Variants in RPS21 observed in about 807,000 individuals in gnomAD.
RPS21 encodes small ribosomal subunit protein eS21.
A neutral mutation model predicts 14.5 loss-of-function variants in RPS21; 6 were observed. That is an observed-to-expected ratio of 0.41 (90% CI 0.23 to 0.82). RPS21 has a LOEUF of 0.82. Ranked by LOEUF, RPS21 falls within the 40% of genes least tolerant of loss-of-function variation. The pLI, the probability that RPS21 is intolerant of heterozygous loss-of-function variation, is 0.31. For synonymous variants in RPS21, 61 were observed against 42.6 expected (o/e 1.43, Z -1.69); for missense variants, 85 against 115.0 (o/e 0.74, Z 1.19).
chr20:62,387,726 G>T, intron 3 of RPS21, 52 bp downstream of exon 3: 1 of 1,614,084 alleles, frequency 6.2e-7, no homozygotes, highest in Non-Finnish European at 8.5e-7. Flanking sequence ...TGCGGGAAAG[G>T]CAGGCTGTCC....
intron 5 of RPS21, 31 bp downstream of exon 5, chr20:62,388,395 T>G: frequency 6.2e-7 from 1 of 1,609,568 alleles, no homozygotes. Context: ...TTGGGCAGAG[T>G]GAGTGGACTA....
chr20:62,388,258 C>G lies in RPS21; in HGVS notation c.187-51C>G, dbSNP rs912634082. The stretch of plus-strand genomic sequence containing the variant: ...TGGCACAGCTGACCTTCTGCCATCT[C>G]AGGCAGCCGGAGTGGAAATATTCTT... On this transcript the variant is annotated intron_variant, in intron 4 of 5. Transcript: ENST00000343986. The G allele has an allele frequency of 2.6e-6, 4 of 1,558,068 alleles. No homozygotes were observed. In the African/African-American group the frequency reaches 5.6e-5, roughly 22 times the overall value.
chr20:62,388,424 G>C (rs761794349), intron 5 of RPS21, 33 bp from the exon 6 acceptor site: 52 of 1,613,660 alleles, frequency 3.2e-5, no homozygotes, highest in Non-Finnish European at 4.2e-5. Context: ...CCAGAGGCGT[G>C]GTCTTAACGT....
chr20:62,388,002 A>G, intron 4 of RPS21, 88 bp downstream of exon 4: 1 of 1,612,046 alleles, frequency 6.2e-7, no homozygotes, highest in Non-Finnish European at 8.5e-7. Context: ...GCCTGAGTAG[A>G]TCTGCTGGCA....
In RPS21 at chr20:62,388,332, C is replaced by A; in HGVS notation, c.210C>A (p.Leu70=). 1 of 1,591,316 alleles carries A rather than the reference C, an allele frequency of 6.3e-7. No homozygotes were observed. Among genetic ancestry groups the A allele is most frequent in the Non-Finnish European group, 8.5e-7 (1 of 1,174,328 alleles). Residue 70 remains leucine, a synonymous_variant, in exon 5 of 6, where the codon CTC becomes CTA. Coordinates refer to ENST00000343986, the MANE Select transcript of RPS21 (RefSeq NM_001024.4). ...RRMGESDDSI[L]RLAKADGIVS... ...AGGGTGAGTCAGATGATTCCATTCT[C>A]CGATTGGCCAAGGCCGATGGCATCG...
chr20:62,387,184 G>A, intron 1 of RPS21, 48 bp downstream of exon 1: 1 of 604,782 alleles, frequency 1.7e-6, no homozygotes, highest in Admixed American at 3.4e-5. Flanking sequence ...GGCTGGGGCG[G>A]GAGTGGGGGC....
At position 62,387,823 on chromosome 20, in the gene RPS21, G is replaced by T. The variant is rs761704241; in HGVS notation, c.115-20G>T. 1.1e-5 allele frequency: 18 copies of T among 1,613,930 alleles called. No homozygotes were observed. Among genetic ancestry groups the T allele is most frequent in the African/African-American group, 6.7e-5 (5 of 74,944 alleles). On this transcript the variant is annotated intron_variant, in intron 3 of 5. Coordinates refer to ENST00000343986, the MANE Select transcript of RPS21 (RefSeq NM_001024.4). ...TCCCAAACCTGGGGGAGTGGTTTGT[G>T]ACCCTTCTTCTCTTTCTAGGTTGAC... is the stretch of plus-strand genomic sequence containing the variant.
At chr20:62,388,214 G>T in intron 4 of RPS21, 95 bp from the exon 5 acceptor site, 4 of 1,476,072 alleles carry the variant, frequency 2.7e-6, no homozygotes, top group East Asian at 2.4e-5. Context: ...TCGCTCAGCG[G>T]GGGAGAGACG....
intron 2 of RPS21, 85 bp downstream of exon 2, chr20:62,387,473 G>A: frequency 3.8e-6 from 6 of 1,587,688 alleles, no homozygotes; most frequent in Non-Finnish European, 5.2e-6. Context: ...CACCCCTCCC[G>A]TCCTTACCTC....
intron 3 of RPS21, 30 bp from the exon 4 acceptor site, chr20:62,387,813 A>T: frequency 6.2e-7 from 1 of 1,613,530 alleles, no homozygotes. Flanking sequence ...AACCTGGGGG[A>T]GTGGTTTGTG....
At chr20:62,387,454 G>T in intron 2 of RPS21, 66 bp downstream of exon 2, 1 of 1,597,806 alleles carries the variant, frequency 6.3e-7, no homozygotes, top group Non-Finnish European at 8.6e-7. Context: ...GCCTGCCCTT[G>T]TTCCCCCACA....
Position 62,388,131 on chromosome 20 carries a change from CG to C in RPS21, c.187-177del, listed in dbSNP as rs528963062. On this transcript the variant is annotated intron_variant, in intron 4 of 5. Coordinates refer to ENST00000343986, the MANE Select transcript of RPS21 (RefSeq NM_001024.4). ...TGCCTCTCACTAGGAGGTGCCCCCC[CG>C]ACCCCGCTCCACCATAGTCAGGCTG... is the stretch of plus-strand genomic sequence containing the variant. 2,735 of 1,494,216 alleles carry C rather than the reference CG, an allele frequency of 1.8e-3. 15 individuals carry two copies. Among genetic ancestry groups the C allele is most frequent in the Middle Eastern group, 8.4e-3 (41 of 4,880 alleles). 92.6% of individuals were successfully genotyped at this position (1,494,216 alleles called of 1,614,324 possible).
intron 3 of RPS21, 34 bp downstream of exon 3, chr20:62,387,708 G>C (rs1429840856): frequency 6.2e-7 from 1 of 1,614,100 alleles, no homozygotes; most frequent in Non-Finnish European, 8.5e-7. Flanking sequence ...GGAAGGTTGT[G>C]ATATATGTGC....
At chr20:62,388,407 G>A in intron 5 of RPS21, 43 bp downstream of exon 5, 1 of 1,613,674 alleles carries the variant, frequency 6.2e-7, no homozygotes, top group Non-Finnish European at 8.5e-7. Flanking sequence ...AGTGGACTAG[G>A]ACTGCTCCAG....
At chr20:62,388,387 G>C in intron 5 of RPS21, 23 bp downstream of exon 5, 5 of 1,610,038 alleles carry the variant, frequency 3.1e-6, no homozygotes, top group African/African-American at 1.3e-5. Context: ...GCTCACATTT[G>C]GGCAGAGTGA....
intron 4 of RPS21, 30 bp from the exon 5 acceptor site, chr20:62,388,279 T>G: frequency 6.3e-7 from 1 of 1,581,458 alleles, no homozygotes; most frequent in Non-Finnish European, 8.5e-7. Context: ...AGTGGAAATA[T>G]TCTTAGTGTG....
intron 4 of RPS21, 192 bp from the exon 5 acceptor site, chr20:62,388,117 A>G (rs1987809433): frequency 1.3e-6 from 2 of 1,508,386 alleles, no homozygotes; most frequent in South Asian, 2.5e-5. Flanking sequence ...GCCTCTCACT[A>G]GGAGGTGCCC....
chr20:62,388,158 C>G (rs909715432), intron 4 of RPS21, 151 bp from the exon 5 acceptor site: 2 of 1,473,168 alleles, frequency 1.4e-6, no homozygotes, highest in South Asian at 2.6e-5. Flanking sequence ...AGTCAGGCTG[C>G]AGGCTGCCCC....
chr20:62,388,490 A>G lies in RPS21; in HGVS notation c.*24A>G. ...GACTGGAGAGAATCACAGATGTGGAATATTTGTCATAAATAAATAATGAAA... is the reference window on the plus strand; with the variant it reads ...GACTGGAGAGAATCACAGATGTGGAGTATTTGTCATAAATAAATAATGAAA... On this transcript the variant is annotated 3_prime_UTR_variant, in exon 6 of 6. Coordinates refer to ENST00000343986, the MANE Select transcript of RPS21 (RefSeq NM_001024.4). 1 of 1,611,182 alleles carries G rather than the reference A, an allele frequency of 6.2e-7. No homozygotes were observed. Among genetic ancestry groups the G allele is most frequent in the Non-Finnish European group, 8.5e-7 (1 of 1,177,374 alleles).
Sources: allele counts gnomAD v4.1 joint callset, GRCh38; gene constraint gnomAD v4.1.1; transcripts MANE v1.5; gene names NCBI Gene and HGNC (gene_info 2026-07-23, HGNC 2026-07-21).